The following VTA1 variants were observed in gnomAD, a reference collection of about 807,000 sequenced individuals.
VTA1 encodes the protein vacuolar protein sorting-associated protein VTA1 homolog.
A neutral mutation model predicts 36.9 loss-of-function variants in VTA1; 24 were observed. The observed-to-expected ratio is 0.65, with a 90% CI of 0.47 to 0.91. VTA1 has a LOEUF of 0.91. Among genes scored for constraint, VTA1 ranks in the 40% least tolerant of loss-of-function variants. VTA1 has a pLI of 0.00. For synonymous variants in VTA1, 142 were observed against 130.2 expected (o/e 1.09, Z -0.62); for missense variants, 393 against 377.2 (o/e 1.04, Z -0.35).
Position 142,198,442 on chromosome 6 carries a change from T to C in VTA1, c.524T>C (p.Ile175Thr), listed in dbSNP as rs753854014. Residue 175 changes from isoleucine (I) to threonine (T), a missense_variant, in exon 6 of 8, where the codon ATT becomes ACT. Physicochemically the swap from Ile to Thr is moderately conservative, Grantham distance 89 (BLOSUM62 -1). Transcript: ENST00000367630. Reference sequence around the variant, plus strand: ...TTGTGTATATGTGATCTGATAGATATTGAAGAAAATGAAGATGCTGGAGCA... The same window carrying C: ...TTGTGTATATGTGATCTGATAGATACTGAAGAAAATGAAGATGCTGGAGCA... ...GPVGIEEDND[I>T]EENEDAGAAS... 3.7e-6 allele frequency: 6 copies of C among 1,613,922 alleles called. No homozygotes were observed. The highest frequency in any genetic ancestry group is 3.3e-5 in the Admixed American group (2 of 60,020).
At chr6:142,163,668 C>T (rs1234504830) in intron 1 of VTA1, among the ~76,000 whole-genome samples, 5 of 151,864 alleles carry the variant, frequency 3.3e-5, no homozygotes, top group East Asian at 1.9e-4. Flanking sequence ...AGTGGTTCCA[C>T]GAGATTTTGG....
intron 4 of VTA1, among the ~76,000 whole-genome samples, chr6:142,173,292 A>G (rs1278122488): frequency 6.6e-6 from 1 of 152,242 alleles, no homozygotes; most frequent in Non-Finnish European, 1.5e-5. Flanking sequence ...GTGTAAGAGG[A>G]AGAAGTTAAT....
chr6:142,160,894 C>T (rs1774791412), intron 1 of VTA1, among the ~76,000 whole-genome samples: 2 of 151,964 alleles, frequency 1.3e-5, no homozygotes, highest in African/African-American at 4.8e-5. Flanking sequence ...ATTCTTTGGA[C>T]AATGAAAAAG....
chr6:142,172,535 T>TA (rs1366970774), intron 4 of VTA1, among the ~76,000 whole-genome samples: 2 of 152,234 alleles, frequency 1.3e-5, no homozygotes, highest in Non-Finnish European at 2.9e-5. Context: ...GGAGAACTGA[T>TA]ACCCGGAGTG....
chr6:142,150,978 G>T (rs974839419), intron 1 of VTA1, among the ~76,000 whole-genome samples: 2 of 152,086 alleles, frequency 1.3e-5, no homozygotes, highest in Non-Finnish European at 2.9e-5. Flanking sequence ...GGGGAAGGAG[G>T]TAGAACTTTG....
At chr6:142,209,769 T>G (rs1251886405) in intron 7 of VTA1, among the ~76,000 whole-genome samples, 1 of 151,838 alleles carries the variant, frequency 6.6e-6, no homozygotes, top group East Asian at 1.9e-4. Flanking sequence ...ACATAAAAAA[T>G]GGAAAGATAC....
chr6:142,188,276 C>A (rs1775386452), intron 4 of VTA1, among the ~76,000 whole-genome samples: 1 of 118,450 alleles, frequency 8.4e-6, no homozygotes, highest in African/African-American at 3.3e-5. Flanking sequence ...CTCTCTGCTG[C>A]TCAGGCTGGA....
chr6:142,160,873 A>G (rs753171635), intron 1 of VTA1, among the ~76,000 whole-genome samples: 3 of 152,082 alleles, frequency 2.0e-5, no homozygotes, highest in Non-Finnish European at 4.4e-5. Context: ...AATCCCAGTG[A>G]TTATCTTTTT....
At chr6:142,192,305 C>A (rs1775469695) in intron 5 of VTA1, among the ~76,000 whole-genome samples, 1 of 152,010 alleles carries the variant, frequency 6.6e-6, no homozygotes, top group Admixed American at 6.6e-5. Flanking sequence ...GTGCTCTGAG[C>A]ATGTTTCATG....
chr6:142,152,165 T>G (rs1423667133), intron 1 of VTA1, among the ~76,000 whole-genome samples: 2 of 152,154 alleles, frequency 1.3e-5, no homozygotes, highest in East Asian at 3.8e-4. Context: ...TTCCCAATCC[T>G]TTCTGCATCC....
In VTA1 at chr6:142,220,568, A is replaced by G. The variant is rs1278927652; in HGVS notation, c.*1925A>G. 2.0e-5 allele frequency: 3 copies of G among 152,174 alleles called. No individual in the cohort carries two copies. Among genetic ancestry groups the G allele is most frequent in the Admixed American group, 1.3e-4 (2 of 15,274 alleles). The allele number at this position is 152,174 out of a possible 1,614,324, so 9.4% of individuals were successfully genotyped here. On this transcript the variant is annotated 3_prime_UTR_variant, in exon 8 of 8. Coordinates refer to ENST00000367630, the MANE Select transcript of VTA1 (RefSeq NM_016485.5). ...CTTAGCGCATGGTAGCATTTCATAAATGTTTAGTGTCAATACTAATGCTCT... is the reference window on the plus strand; with the variant it reads ...CTTAGCGCATGGTAGCATTTCATAAGTGTTTAGTGTCAATACTAATGCTCT...
Position 142,221,080 on chromosome 6 carries a change from G to C in VTA1, c.*2437G>C, listed in dbSNP as rs1776101400. On this transcript the variant is annotated 3_prime_UTR_variant, in exon 8 of 8. Coordinates refer to ENST00000367630, the MANE Select transcript of VTA1 (RefSeq NM_016485.5). ...ACTTAAGGTGGTCCCTAAAGTTCGA[G>C]TGGTTTAGCTCTACCCAAATCAGAA... The C allele has an allele frequency of 6.6e-6, 1 of 152,150 alleles. No individual in the cohort carries two copies. Among genetic ancestry groups the C allele is most frequent in the South Asian group, 2.1e-4 (1 of 4,828 alleles). 9.4% of individuals were successfully genotyped at this position (152,150 alleles called of 1,614,324 possible).
At chr6:142,160,281 A>G (rs755521206) in intron 1 of VTA1, among the ~76,000 whole-genome samples, 1 of 152,338 alleles carries the variant, frequency 6.6e-6, no homozygotes, top group East Asian at 1.9e-4. Flanking sequence ...ACCCAGGGTA[A>G]CATATAGAAC....
At chr6:142,188,509 G>A (rs895417506) in intron 4 of VTA1, among the ~76,000 whole-genome samples, 3 of 152,088 alleles carry the variant, frequency 2.0e-5, no homozygotes, top group Non-Finnish European at 4.4e-5. Flanking sequence ...CACCGTGCCT[G>A]TTTTCAAATA....
intron 7 of VTA1, among the ~76,000 whole-genome samples, chr6:142,213,698 C>T (rs1053751412): frequency 6.6e-6 from 1 of 152,192 alleles, no homozygotes; most frequent in Non-Finnish European, 1.5e-5. Context: ...ACCCATAGGC[C>T]CAACACCACA....
intron 7 of VTA1, among the ~76,000 whole-genome samples, chr6:142,212,359 A>C (rs187742057): frequency 8.5e-5 from 13 of 152,348 alleles, no homozygotes; most frequent in African/African-American, 2.9e-4. Flanking sequence ...CTATCAAGCT[A>C]TGAAAAGACA....
chr6:142,169,882 C>T (rs766358596), intron 3 of VTA1, among the ~76,000 whole-genome samples: 10 of 152,006 alleles, frequency 6.6e-5, no homozygotes, highest in African/African-American at 2.4e-4. Context: ...ATACCCAGGG[C>T]AGATTTATTT....
intron 7 of VTA1, among the ~76,000 whole-genome samples, chr6:142,216,404 A>G (rs773914481): frequency 6.6e-6 from 1 of 152,198 alleles, no homozygotes; most frequent in Non-Finnish European, 1.5e-5. Flanking sequence ...CCTATGTGTT[A>G]CAAAATAGCA....
chr6:142,212,803 A>G (rs1775929457), intron 7 of VTA1, among the ~76,000 whole-genome samples: 3 of 152,110 alleles, frequency 2.0e-5, no homozygotes, highest in Admixed American at 2.0e-4. Context: ...ACACTTTTAA[A>G]CCATCAGATC....
Sources: allele counts gnomAD v4.1 joint callset (sites outside exome capture counted in the v4.1 genomes callset), GRCh38; gene constraint gnomAD v4.1.1; transcripts MANE v1.5; gene names NCBI Gene and HGNC (gene_info 2026-07-23, HGNC 2026-07-21).